CSMD2: variants seen among roughly 807,000 people sequenced by gnomAD.
CSMD2 encodes CUB and sushi domain-containing protein 2.
In CSMD2, 130 loss-of-function variants were observed where a neutral mutation model predicts 398.5. The ratio of observed to expected loss-of-function variants is 0.33; its 90% CI spans 0.28 to 0.38. The LOEUF is 0.38. CSMD2 is among the 10% of genes least tolerant of loss of function. The pLI is 1.00. For synonymous variants in CSMD2, 1,828 were observed against 1,908.5 expected (o/e 0.96, Z 1.10); for missense variants, 3,829 against 4,764.9 (o/e 0.80, Z 5.78).
At chr1:33,868,179 C>T (rs567506944) in intron 5 of CSMD2, among the ~76,000 whole-genome samples, 2 of 152,234 alleles carry the variant, frequency 1.3e-5, no homozygotes, top group Non-Finnish European at 2.9e-5. Context: ...ATTCCAGGCC[C>T]ACTCAGCTGG....
chr1:33,616,506 G>A (rs1254636660), intron 39 of CSMD2, among the ~76,000 whole-genome samples: 1 of 152,180 alleles, frequency 6.6e-6, no homozygotes, highest in Non-Finnish European at 1.5e-5. Context: ...CCAAAGTGCT[G>A]GGATTACAGG....
chr1:34,116,101 T>G (rs1247048503), intron 1 of CSMD2, among the ~76,000 whole-genome samples: 2 of 152,034 alleles, frequency 1.3e-5, no homozygotes, highest in Non-Finnish European at 2.9e-5. Context: ...AAGTCCTCTA[T>G]CAGTAATTAC....
chr1:33,686,399 A>G (rs1476138208), intron 25 of CSMD2, among the ~76,000 whole-genome samples: 2 of 152,206 alleles, frequency 1.3e-5, no homozygotes, highest in Non-Finnish European at 2.9e-5. Context: ...GTCAGCTGCC[A>G]GGCCTGGATG....
intron 6 of CSMD2, among the ~76,000 whole-genome samples, chr1:33,845,996 C>A (rs1661316215): frequency 1.3e-5 from 2 of 152,244 alleles, no homozygotes; most frequent in East Asian, 3.8e-4. Flanking sequence ...AAACCAATAA[C>A]AATTTGAGAG....
intron 2 of CSMD2, among the ~76,000 whole-genome samples, chr1:34,076,711 T>C (rs991387764): frequency 6.6e-6 from 1 of 151,914 alleles, no homozygotes. Flanking sequence ...GCAGTTTACA[T>C]ACTGTTTTAA....
At chr1:33,916,547 G>C (rs1174276220) in intron 5 of CSMD2, among the ~76,000 whole-genome samples, 1 of 152,162 alleles carries the variant, frequency 6.6e-6, no homozygotes, top group African/African-American at 2.4e-5. Flanking sequence ...CCACAGAGCA[G>C]GTTGTCCTCA....
chr1:33,930,015 T>C (rs955742744), intron 4 of CSMD2, among the ~76,000 whole-genome samples: 2 of 152,204 alleles, frequency 1.3e-5, no homozygotes, highest in African/African-American at 4.8e-5. Flanking sequence ...TTATTTGGCG[T>C]GTGTATCTGT....
intron 42 of CSMD2, 98 bp from the exon 43 acceptor site, chr1:33,602,644 A>G: frequency 9.1e-7 from 1 of 1,095,080 alleles, no homozygotes; most frequent in Non-Finnish European, 1.3e-6. Flanking sequence ...AGAACTAATC[A>G]TCCTGTCAGG....
At chr1:33,569,227 C>A (rs1659349102) in intron 52 of CSMD2, 147 bp downstream of exon 52, 3 of 809,990 alleles carry the variant, frequency 3.7e-6, no homozygotes, top group South Asian at 5.3e-5. Context: ...TTAGTCATGC[C>A]TGATGGCCAA....
At chr1:33,802,767 G>T (rs112384796) in intron 10 of CSMD2, among the ~76,000 whole-genome samples, 215 of 152,176 alleles carry the variant, frequency 1.4e-3, no homozygotes, top group African/African-American at 4.9e-3. Flanking sequence ...CAATCCCGTG[G>T]CCCTCTCACT....
intron 29 of CSMD2, among the ~76,000 whole-genome samples, chr1:33,640,589 C>T (rs540792776): frequency 6.6e-6 from 1 of 152,270 alleles, no homozygotes; most frequent in Non-Finnish European, 1.5e-5. Context: ...TACTCTCTGG[C>T]CCTTTCCAGA....
chr1:33,602,330 C>A (rs762944763), intron 43 of CSMD2, 39 bp downstream of exon 43: 1 of 1,607,694 alleles, frequency 6.2e-7, no homozygotes. Flanking sequence ...CCCAGTAATG[C>A]TCCTTTCTAA....
At chr1:33,539,449 G>C (rs1056992521) in intron 60 of CSMD2, among the ~76,000 whole-genome samples, 3 of 152,280 alleles carry the variant, frequency 2.0e-5, no homozygotes, top group African/African-American at 4.8e-5. Context: ...AGGTAGAAAG[G>C]TATTGATGGA....
chr1:33,942,132 T>C (rs2125343775), intron 3 of CSMD2, among the ~76,000 whole-genome samples: 1 of 152,374 alleles, frequency 6.6e-6, no homozygotes, highest in African/African-American at 2.4e-5. Context: ...GTGCTATTAT[T>C]ATCATCACTT....
Position 33,808,971 on chromosome 1 carries a change from G to T in CSMD2, c.1446+1772C>A, listed in dbSNP as rs544612094. 8.7e-3 allele frequency among the ~76,000 whole-genome samples: 771 copies of T among 88,964 alleles called. 4 individuals are homozygous for T. Among genetic ancestry groups the T allele is most frequent in the Non-Finnish European group, 7.9e-3 (394 of 49,846 alleles). The allele number at this position is 88,964 out of a possible 152,430, so 58.4% of individuals were successfully genotyped here. A position where few individuals can be genotyped will look rare whatever the true frequency, so the allele number is the denominator to read the frequency against. ...ATAAATTTTAATATTTACTAAAATGGAGTCAAGAAAAAAAAAACAGATGAC... is the reference window on the plus strand; with the variant it reads ...ATAAATTTTAATATTTACTAAAATGTAGTCAAGAAAAAAAAAACAGATGAC... On this transcript the variant is annotated intron_variant, in intron 10 of 70. Coordinates refer to ENST00000373381, the MANE Select transcript of CSMD2 (RefSeq NM_001281956.2).
chr1:34,104,782 C>G (rs1324038605), intron 1 of CSMD2, among the ~76,000 whole-genome samples: 1 of 152,172 alleles, frequency 6.6e-6, no homozygotes, highest in Non-Finnish European at 1.5e-5. Context: ...CAAACAGTAT[C>G]TTTGGCTCTC....
At chr1:34,076,928 A>ATAT (rs1553305736) in intron 2 of CSMD2, among the ~76,000 whole-genome samples, 5 of 53,598 alleles carry the variant, frequency 9.3e-5, no homozygotes, top group East Asian at 5.5e-4. Context: ...AAAAAAAAAA[A>ATAT]ATATATATAT....
In CSMD2 at chr1:33,600,901, C is replaced by A; in HGVS notation, c.6820G>T (p.Ala2274Ser). The change falls in exon 44 of 71, where the codon GCA becomes TCA. Residue 2274 changes from alanine (A) to serine (S), a missense_variant. Ala to Ser is a moderately conservative substitution (Grantham distance 99, BLOSUM62 1). This residue lies in a region of CSMD2 where 723 missense variants were observed against 758.6 expected (regional missense o/e 0.95). Coordinates refer to ENST00000373381, the MANE Select transcript of CSMD2 (RefSeq NM_001281956.2). ...NQVLLKFHRD[A>S]ATGGIFAIAF... ...ATGGCGAAGATCCCCCCTGTGGCTG[C>A]ATCACGGTGGAACTTGAGCAGGACC... The A allele has an allele frequency of 2.0e-5, 32 of 1,614,170 alleles. No individual in the cohort carries two copies. The highest frequency in any genetic ancestry group is 2.7e-5 in the Non-Finnish European group (32 of 1,180,024).
chr1:33,935,723 C>T (rs1644458462), intron 4 of CSMD2, 37 bp downstream of exon 4: 1 of 1,554,714 alleles, frequency 6.4e-7, no homozygotes, highest in Non-Finnish European at 8.7e-7. Context: ...CTCCCAGCCA[C>T]TGCCCCACTC....
Sources: gnomAD v4.1 joint callset for allele counts (sites outside exome capture counted in the v4.1 genomes callset) on GRCh38, gnomAD v4.1.1 for gene constraint, gnomAD v4.1.1 regional missense constraint, MANE v1.5 for transcripts, NCBI Gene and HGNC (gene_info 2026-07-23, HGNC 2026-07-21) for gene names.